IL22: variants seen among roughly 807,000 people sequenced by gnomAD.
IL22 encodes the protein interleukin 22, also known as interleukin-22.
In IL22, 15 loss-of-function variants were observed where a neutral mutation model predicts 15.5. That is an observed-to-expected ratio of 0.97 (90% CI 0.65 to 1.49). IL22 has a LOEUF of 1.49. Ranked by LOEUF, IL22 falls within the 40% of genes most tolerant of loss-of-function variation. IL22 has a pLI of 0.00. For missense variants in IL22, 225 were observed against 215.4 expected (o/e 1.04, Z -0.28); for synonymous variants, 91 against 82.0 (o/e 1.11, Z -0.60).
At chr12:68,253,168 T>A in intron 2 of IL22, 95 bp downstream of exon 2, 1 of 1,047,590 alleles carries the variant, frequency 9.5e-7, no homozygotes, top group Non-Finnish European at 1.4e-6. Context: ...AAACAGTGGG[T>A]TCCTAAAGCT....
chr12:68,251,523 G>A lies in IL22; in HGVS notation c.452C>T (p.Thr151Ile). ...AGTTATCAGTCCTACCTTTTTCACT[G>A]TGTCCTTCAGCTTTTGCACATTCCT... ...IQRNVQKLKD[T>I]VKKLGESGEI... The change falls in exon 5 of 6, where the codon ACA (threonine) becomes ATA (isoleucine). Residue 151 changes from threonine (T) to isoleucine (I), a missense_variant. Physicochemically the swap from Thr to Ile is moderately conservative, Grantham distance 89. Transcript: ENST00000538666. 1 of 1,609,888 alleles carries A rather than the reference G, an allele frequency of 6.2e-7. No individual in the cohort carries two copies. Among genetic ancestry groups the A allele is most frequent in the Non-Finnish European group, 8.5e-7 (1 of 1,176,296 alleles).
intron 4 of IL22, 54 bp from the exon 5 acceptor site, chr12:68,251,632 A>G (rs1869935624): frequency 7.7e-7 from 1 of 1,294,186 alleles, no homozygotes. Flanking sequence ...AACTTTATGA[A>G]CCTCCACACC....
chr12:68,253,518 A>G, intron 1 of IL22, 24 bp from the exon 2 acceptor site: 2 of 1,217,028 alleles, frequency 1.6e-6, no homozygotes, highest in Non-Finnish European at 2.3e-6. Context: ...ACGTGAAGGA[A>G]CAAAATTAGT....
chr12:68,253,151 C>T (rs2063337470), intron 2 of IL22, 112 bp downstream of exon 2: 4 of 873,080 alleles, frequency 4.6e-6, no homozygotes, highest in Non-Finnish European at 6.7e-6. Flanking sequence ...TATCTACCCT[C>T]AGGGATAAAC....
chr12:68,251,428 A>G (rs961866968), intron 5 of IL22, 85 bp downstream of exon 5: 3 of 1,025,968 alleles, frequency 2.9e-6, no homozygotes, highest in African/African-American at 1.6e-5. Context: ...GAAAAATCAC[A>G]AAGTGATGGG....
chr12:68,251,896 G>T (rs1869944551), intron 4 of IL22, among the ~76,000 whole-genome samples: 1 of 152,146 alleles, frequency 6.6e-6, no homozygotes, highest in East Asian at 1.9e-4. Context: ...CCAGAAAATT[G>T]CATGCTTAGA....
At chr12:68,252,230 G>T (rs990587235) in intron 4 of IL22, among the ~76,000 whole-genome samples, 2 of 151,806 alleles carry the variant, frequency 1.3e-5, no homozygotes, top group South Asian at 2.1e-4. Flanking sequence ...CTCATCTTAC[G>T]CAACCTGAGT....
chr12:68,252,872 T>C (rs1316723907), intron 2 of IL22, 43 bp from the exon 3 acceptor site: 4 of 1,546,206 alleles, frequency 2.6e-6, no homozygotes, highest in Non-Finnish European at 8.9e-7. Context: ...ATTGAGCAAA[T>C]AGAAAAAAAA....
chr12:68,248,521 A>T lies in IL22; in HGVS notation c.*278T>A, dbSNP rs1869813673. 1 of 252,010 alleles carries T rather than the reference A, an allele frequency of 4.0e-6. No homozygotes were observed. Among genetic ancestry groups the T allele is most frequent in the South Asian group, 1.6e-4 (1 of 6,290 alleles). 15.6% of individuals were successfully genotyped at this position (252,010 alleles called of 1,614,324 possible). ...ATCTTTTTTATGGAAAAAGACAATT[A>T]TTTAAAAAATAAATTGTTTTCTGTG... On this transcript the variant is annotated 3_prime_UTR_variant, in exon 6 of 6. Coordinates refer to ENST00000538666, the MANE Select transcript of IL22 (RefSeq NM_020525.5).
chr12:68,252,692 T>C lies in IL22; in HGVS notation c.253-45A>G, dbSNP rs372962587. 9.6e-5 allele frequency: 155 copies of C among 1,612,568 alleles called. 1 individual carries two copies. Among genetic ancestry groups the C allele is most frequent in the Middle Eastern group, 1.6e-4 (1 of 6,074 alleles). On this transcript the variant is annotated intron_variant, in intron 3 of 5. Coordinates refer to ENST00000538666, the MANE Select transcript of IL22 (RefSeq NM_020525.5). ...AGAAAGGGTCATAAGGGATAAGACCTAAACCATCATCACCACCACCCCAAG... is the reference window on the plus strand; with the variant it reads ...AGAAAGGGTCATAAGGGATAAGACCCAAACCATCATCACCACCACCCCAAG...
chr12:68,252,886 A>C (rs1869986022), intron 2 of IL22, 57 bp from the exon 3 acceptor site: 1 of 1,352,490 alleles, frequency 7.4e-7, no homozygotes, highest in African/African-American at 1.4e-5. Flanking sequence ...AAAAAAATTT[A>C]TACATAGACA....
At chr12:68,251,995 CT>C (rs984357795) in intron 4 of IL22, among the ~76,000 whole-genome samples, 6 of 152,190 alleles carry the variant, frequency 3.9e-5, no homozygotes, top group African/African-American at 1.2e-4. Context: ...TCCACTCAAA[CT>C]TTTTTTCATA....
rs3842292 is a variant in IL22 at position 68,252,993 on chromosome 12, G to GA, written c.187-165dup. 9.4e-3 allele frequency among the ~76,000 whole-genome samples: 1,358 copies of GA among 144,468 alleles called. 24 individuals carry two copies. Among genetic ancestry groups the GA allele is most frequent in the African/African-American group, 0.031 (1,223 of 38,994 alleles). 94.8% of individuals were successfully genotyped at this position (144,468 alleles called of 152,430 possible). On this transcript the variant is annotated intron_variant, in intron 2 of 5. Coordinates refer to ENST00000538666, the MANE Select transcript of IL22 (RefSeq NM_020525.5). ...TAGAACAATGCACAGAGGCATAAAG[G>GA]AAAAAAAAAATCATCAGATGGATTA...
Position 68,252,562 on chromosome 12 carries a change from G to A in IL22, c.338C>T (p.Pro113Leu), listed in dbSNP as rs1161297685. Residue 113 changes from proline (P) to leucine (L), a missense_variant, in exon 4 of 6, where the codon CCT (proline) becomes CTT (leucine). Coordinates refer to ENST00000538666, the MANE Select transcript of IL22 (RefSeq NM_020525.5). ...VLFPQSDRFQ[P>L]YMQEVVPFLA... is the part of the protein sequence containing the mutation. Reference sequence around the variant, plus strand: ...GAAGGGCACCACCTCCTGCATATAAGGCTGGAACCTATCAGATTGAGGGAA... The same window carrying A: ...GAAGGGCACCACCTCCTGCATATAAAGCTGGAACCTATCAGATTGAGGGAA... 6.2e-7 allele frequency: 1 copy of A among 1,613,978 alleles called. No homozygotes were observed. Among genetic ancestry groups the A allele is most frequent in the Non-Finnish European group, 8.5e-7 (1 of 1,179,906 alleles).
chr12:68,248,961 G>A, intron 5 of IL22, 85 bp from the exon 6 acceptor site: 1 of 1,032,888 alleles, frequency 9.7e-7, no homozygotes, highest in Non-Finnish European at 1.5e-6. Flanking sequence ...AGATTAGGTT[G>A]ATGGAGACAG....
In IL22 at chr12:68,248,712, T is replaced by A; in HGVS notation, c.*87A>T. ...GGAGTTTGGCTTCCCATCTTCCTTT[T>A]GGTTAAAAAAAATCGCTTTGGGGCA... On this transcript the variant is annotated 3_prime_UTR_variant, in exon 6 of 6. Transcript: ENST00000538666. 9.7e-7 allele frequency: 1 copy of A among 1,029,806 alleles called. No homozygotes were observed. Among genetic ancestry groups the A allele is most frequent in the Non-Finnish European group, 1.5e-6 (1 of 679,652 alleles). 63.8% of individuals were successfully genotyped at this position (1,029,806 alleles called of 1,614,324 possible).
At chr12:68,249,242 A>G (rs1313991535) in intron 5 of IL22, among the ~76,000 whole-genome samples, 1 of 152,190 alleles carries the variant, frequency 6.6e-6, no homozygotes, top group Non-Finnish European at 1.5e-5. Context: ...TGCAGCTCCA[A>G]AACTATCTAT....
intron 4 of IL22, among the ~76,000 whole-genome samples, chr12:68,252,020 A>G (rs1196730734): frequency 6.6e-6 from 1 of 152,134 alleles, no homozygotes; most frequent in African/African-American, 2.4e-5. Context: ...TCAAATGTTC[A>G]GCGGCATCAA....
chr12:68,253,320 G>C lies in IL22; in HGVS notation c.129C>G (p.Asp43Glu), dbSNP rs1180728490. The change falls in exon 2 of 6, where the codon GAC becomes GAG. Residue 43 changes from aspartate to glutamate, a missense_variant. Physicochemically the swap from Asp to Glu is conservative, Grantham distance 45. Transcript: ENST00000538666. ...TATAGGGCTGCTGGAAGTTGGACTT[G>C]TCAAGCCTGCAGTGGGAGCTGATGG... ...AAPISSHCRL[D>E]KSNFQQPYIT... 5.6e-6 allele frequency: 9 copies of C among 1,613,774 alleles called. No homozygotes were observed. The highest frequency in any genetic ancestry group is 1.3e-5 in the African/African-American group (1 of 74,910).
Sources: allele counts gnomAD v4.1 joint callset (sites outside exome capture counted in the v4.1 genomes callset), GRCh38; gene constraint gnomAD v4.1.1; transcripts MANE v1.5; gene names NCBI Gene and HGNC (gene_info 2026-07-23, HGNC 2026-07-21).